Variants in RBMS3 observed in about 807,000 individuals in gnomAD.
RBMS3 encodes RNA binding motif single stranded interacting protein 3.
In RBMS3, 27 loss-of-function variants were observed where a neutral mutation model predicts 66.8. That is an observed-to-expected ratio of 0.40 (90% CI 0.30 to 0.56). The LOEUF is 0.56. RBMS3 is among the 20% of genes least tolerant of loss of function. The probability of loss-of-function intolerance (pLI) is 0.40; values close to 1 mark genes in which losing one functional copy is unlikely to be tolerated. For missense variants in RBMS3, 513 were observed against 549.5 expected, an observed-to-expected ratio of 0.93 and a Z score of 0.66; for synonymous variants, 188 against 183.0, an observed-to-expected ratio of 1.03 and a Z score of -0.22.
chr3:29,796,521 G>A (rs2057194332), intron 6 of RBMS3, among the ~76,000 whole-genome samples: 1 of 152,080 alleles, frequency 6.6e-6, no homozygotes, highest in African/African-American at 2.4e-5. Flanking sequence ...ATCTATGACA[G>A]CTATAGCATT....
chr3:29,925,025 A>G (rs1355518347), intron 10 of RBMS3: 1 of 152,208 alleles, frequency 6.6e-6, no homozygotes, highest in Admixed American at 6.5e-5. Context: ...TCTGAGAATG[A>G]AAGAGGAAGA....
At position 29,702,481 on chromosome 3, in the gene RBMS3, C is replaced by G. The variant is rs116120244; in HGVS notation, c.400-37239C>G. 2.2e-4 allele frequency among the ~76,000 whole-genome samples: 33 copies of G among 152,252 alleles called. No individual in the cohort carries two copies. In the East Asian group the frequency reaches 5.2e-3, roughly 24 times the overall value. On this transcript the variant is annotated intron_variant, in intron 4 of 14. Transcript: ENST00000383767. ...GCCAGAGCTGGCAGTGGCAACCCGC[C>G]GGGGTCCTCTTTCACTCTGTGGAAG...
intron 3 of RBMS3, among the ~76,000 whole-genome samples, chr3:29,522,110 C>A (rs1368491571): frequency 6.6e-6 from 1 of 152,140 alleles, no homozygotes; most frequent in East Asian, 1.9e-4. Context: ...ATTGTTTGCA[C>A]AGAGAGGAAA....
chr3:29,621,684 T>A (rs759537077), intron 4 of RBMS3, among the ~76,000 whole-genome samples: 1 of 152,098 alleles, frequency 6.6e-6, no homozygotes, highest in Non-Finnish European at 1.5e-5. Flanking sequence ...AAATATTTGG[T>A]TTGGTTAAGA....
intron 3 of RBMS3, among the ~76,000 whole-genome samples, chr3:29,566,822 C>T (rs999443072): frequency 4.6e-5 from 7 of 151,842 alleles, no homozygotes; most frequent in South Asian, 2.1e-4. Context: ...GTATCTTGAT[C>T]GTTATGGTGG....
chr3:29,746,582 T>C (rs1426075852), intron 5 of RBMS3, among the ~76,000 whole-genome samples: 5 of 152,218 alleles, frequency 3.3e-5, no homozygotes, highest in Admixed American at 6.5e-5. Flanking sequence ...TCTTCTTTTG[T>C]GTGTCTCATC....
At position 29,580,701 on chromosome 3, in the gene RBMS3, A is replaced by G. The variant is rs112064713; in HGVS notation, c.308-6413A>G. ...TAATAATATAATAATAATAATAATA[A>G]TAATAATAAAAGGAAGATCTCATTG... On this transcript the variant is annotated intron_variant, in intron 3 of 14. Transcript: ENST00000383767. Among the ~76,000 whole-genome samples the G allele has an allele frequency of 8.7e-3, 1,313 of 150,282 alleles. 16 individuals are homozygous for G. Among genetic ancestry groups the G allele is most frequent in the African/African-American group, 0.03 (1,230 of 41,162 alleles).
At position 29,988,165 on chromosome 3, in the gene RBMS3, T is replaced by G. The variant is rs770706275; in HGVS notation, c.1121T>G (p.Met374Arg). 7 of 1,613,368 alleles carry G rather than the reference T, an allele frequency of 4.3e-6. No homozygotes were observed. Among genetic ancestry groups the G allele is most frequent in the Non-Finnish European group, 5.9e-6 (7 of 1,179,366 alleles). ...TAGTATATGACTGCTGCTGCTCCTA[T>G]GCAAGGGACCTACATTCCTCAGTAC... ...LCQYMTAAAP[M>R]QGTYIPQYTP... is the part of the protein sequence containing the mutation. The change falls in exon 13 of 15, where the codon ATG becomes AGG. Residue 374 changes from methionine (M) to arginine (R), a missense_variant. Met to Arg is a moderately conservative substitution (Grantham distance 91). Transcript: ENST00000383767.
intron 13 of RBMS3, 112 bp from the exon 14 acceptor site, chr3:29,990,970 A>C: frequency 7.4e-6 from 7 of 941,632 alleles, no homozygotes; most frequent in Non-Finnish European, 1.1e-5. Flanking sequence ...GACTTCATGT[A>C]GCTGAGGGTA....
intron 4 of RBMS3, among the ~76,000 whole-genome samples, chr3:29,674,477 G>A (rs2051147510): frequency 6.6e-6 from 1 of 152,084 alleles, no homozygotes; most frequent in Non-Finnish European, 1.5e-5. Flanking sequence ...CCCGTTTGCA[G>A]ATGACATGAT....
At chr3:29,942,125 T>TA (rs981832400) in intron 11 of RBMS3, among the ~76,000 whole-genome samples, 3 of 151,894 alleles carry the variant, frequency 2.0e-5, no homozygotes, top group African/African-American at 7.2e-5. Context: ...GAAGAATAAT[T>TA]AAATATGCCA....
chr3:29,841,189 G>A (rs1458210012), intron 6 of RBMS3, among the ~76,000 whole-genome samples: 1 of 151,680 alleles, frequency 6.6e-6, no homozygotes, highest in Non-Finnish European at 1.5e-5. Flanking sequence ...CTTGGGTTGT[G>A]TATTTTTATG....
At chr3:29,785,093 A>G (rs2056774173) in intron 6 of RBMS3, among the ~76,000 whole-genome samples, 1 of 152,124 alleles carries the variant, frequency 6.6e-6, no homozygotes, top group Admixed American at 6.5e-5. Context: ...TCAGACATTC[A>G]AGGAAGAATT....
chr3:29,882,890 T>C (rs1227544216), intron 7 of RBMS3, among the ~76,000 whole-genome samples: 2 of 152,106 alleles, frequency 1.3e-5, no homozygotes, highest in Non-Finnish European at 2.9e-5. Flanking sequence ...TTCTAACTTT[T>C]TATTTTGAAG....
intron 6 of RBMS3, among the ~76,000 whole-genome samples, chr3:29,865,702 G>T (rs1285255486): frequency 2.6e-5 from 4 of 152,098 alleles, no homozygotes; most frequent in African/African-American, 9.7e-5. Flanking sequence ...AATCAAGTTC[G>T]ATCTCATGCC....
At chr3:29,489,585 C>T (rs567954404) in intron 3 of RBMS3, among the ~76,000 whole-genome samples, 2 of 151,222 alleles carry the variant, frequency 1.3e-5, no homozygotes, top group East Asian at 3.9e-4. Flanking sequence ...GTATCTAAAA[C>T]AGAATTATCG....
chr3:29,928,211 T>TACACACACACAC (rs1175604100), intron 10 of RBMS3, among the ~76,000 whole-genome samples: 12 of 93,494 alleles, frequency 1.3e-4, no homozygotes, highest in African/African-American at 4.2e-4. Flanking sequence ...TATATATATA[T>TACACACACACAC]ACACACACAC....
intron 4 of RBMS3, among the ~76,000 whole-genome samples, chr3:29,623,594 A>C (rs2048955419): frequency 1.1e-5 from 1 of 90,350 alleles, no homozygotes. Context: ...ACTGTCTCAA[A>C]AAAAAAAAAA....
At chr3:29,855,133 CATGCTACTCT>C in intron 6 of RBMS3, among the ~76,000 whole-genome samples, 1 of 152,156 alleles carries the variant, frequency 6.6e-6, no homozygotes, top group Middle Eastern at 3.2e-3. Flanking sequence ...ATATTTACTA[CATGCTACTCT>C]ATGCCAGATT....
Sources: allele counts gnomAD v4.1 joint callset (sites outside exome capture counted in the v4.1 genomes callset), GRCh38; gene constraint gnomAD v4.1.1; transcripts MANE v1.5; gene names NCBI Gene and HGNC (gene_info 2026-07-23, HGNC 2026-07-21).